Variants in MALRD1 observed in about 807,000 individuals in gnomAD.
MALRD1 encodes the protein MAM and LDL-receptor class A domain-containing protein 1.
A neutral mutation model predicts 242.1 loss-of-function variants in MALRD1; 247 were observed. The ratio of observed to expected loss-of-function variants is 1.02; its 90% confidence interval spans 0.92 to 1.13. The LOEUF is 1.13. Ranked by LOEUF, MALRD1 falls within the 50% of genes most tolerant of loss-of-function variation. The pLI is 0.00. For missense variants in MALRD1, 2,989 were observed against 2,533.1 expected (o/e 1.18, Z -3.86); for synonymous variants, 995 against 866.6 (o/e 1.15, Z -2.60).
At chr10:19,509,593 A>G (rs1048246297) in intron 31 of MALRD1, among the ~76,000 whole-genome samples, 2 of 152,106 alleles carry the variant, frequency 1.3e-5, no homozygotes, top group Non-Finnish European at 1.5e-5. Context: ...ATCATAGTGG[A>G]TATATTTGGT....
intron 21 of MALRD1, among the ~76,000 whole-genome samples, chr10:19,301,842 C>T (rs1043232956): frequency 2.6e-5 from 4 of 151,552 alleles, no homozygotes; most frequent in Admixed American, 6.6e-5. Context: ...CAAACCTGCC[C>T]ATGGACCCAT....
At chr10:19,719,761 T>G (rs1185678589) in intron 38 of MALRD1, among the ~76,000 whole-genome samples, 1 of 152,184 alleles carries the variant, frequency 6.6e-6, no homozygotes, top group Non-Finnish European at 1.5e-5. Context: ...AAATGTGAGT[T>G]CATGGACATT....
rs1484678226 is a variant in MALRD1 at position 19,689,814 on chromosome 10, T to TA, written c.6138-2466dup. 2.6e-5 allele frequency among the ~76,000 whole-genome samples: 4 copies of TA among 152,224 alleles called. No homozygotes were observed. The East Asian group carries it at 7.7e-4, about 29-fold the overall frequency. On this transcript the variant is annotated intron_variant, in intron 36 of 39. Transcript: ENST00000454679. ...AGGAAAATTGTTATGCAGGAGGGGA[T>TA]AATTTGAGAATTTTAGTGTGGAGAT...
chr10:19,697,269 T>C (rs1833421542), intron 38 of MALRD1, among the ~76,000 whole-genome samples: 1 of 151,936 alleles, frequency 6.6e-6, no homozygotes, highest in African/African-American at 2.4e-5. Context: ...GATGGTCCAG[T>C]CTTGAGTCTA....
chr10:19,677,891 G>A (rs765373336), intron 36 of MALRD1, among the ~76,000 whole-genome samples: 1 of 152,126 alleles, frequency 6.6e-6, no homozygotes, highest in Admixed American at 6.6e-5. Flanking sequence ...GCATATGCTA[G>A]CCAGTTATCC....
At chr10:19,322,231 T>C (rs948205322) in intron 21 of MALRD1, among the ~76,000 whole-genome samples, 4 of 152,280 alleles carry the variant, frequency 2.6e-5, no homozygotes, top group Non-Finnish European at 5.9e-5. Flanking sequence ...TATAAGTATA[T>C]ACATCTTTGT....
intron 4 of MALRD1, among the ~76,000 whole-genome samples, chr10:19,099,176 G>T (rs926050311): frequency 7.2e-5 from 11 of 152,084 alleles, no homozygotes; most frequent in African/African-American, 2.4e-4. Flanking sequence ...GCATTCACCC[G>T]TGCAAGCTTC....
intron 21 of MALRD1, among the ~76,000 whole-genome samples, chr10:19,317,187 G>C (rs919839358): frequency 6.6e-6 from 1 of 151,818 alleles, no homozygotes; most frequent in Non-Finnish European, 1.5e-5. Context: ...ATTTCTCACA[G>C]TTCTGAAGGC....
chr10:19,589,461 C>T (rs965522451), intron 33 of MALRD1, among the ~76,000 whole-genome samples: 5 of 152,092 alleles, frequency 3.3e-5, no homozygotes, highest in African/African-American at 7.2e-5. Context: ...GCATGAGATA[C>T]GCTTTATTGC....
In MALRD1 at chr10:19,283,135, A is replaced by G. The variant is rs886866282; in HGVS notation, c.3373A>G (p.Ile1125Val). 1.3e-6 allele frequency: 2 copies of G among 1,549,668 alleles called. No individual in the cohort carries two copies. Among genetic ancestry groups the G allele is most frequent in the Non-Finnish European group, 8.7e-7 (1 of 1,146,396 alleles). ...FRWGLGNGIS[I>V]HHGEENHRPS... The stretch of plus-strand genomic sequence containing the variant: ...GTGGGGGCTTGGGAACGGGATCAGC[A>G]TTCATCATGGGGAAGAAAACCACAG... Residue 1125 changes from isoleucine to valine, a missense_variant, in exon 21 of 40, where the codon ATT (isoleucine) becomes GTT (valine). Ile to Val is a conservative substitution (Grantham distance 29). Transcript: ENST00000454679.
chr10:19,323,376 A>G lies in MALRD1; in HGVS notation c.3420-573A>G, dbSNP rs1263395292. 3.9e-5 allele frequency among the ~76,000 whole-genome samples: 6 copies of G among 152,282 alleles called. No homozygotes were observed. In the South Asian group the frequency reaches 1.2e-3, roughly 32 times the overall value. On this transcript the variant is annotated intron_variant, in intron 21 of 39. Coordinates refer to ENST00000454679, the MANE Select transcript of MALRD1 (RefSeq NM_001142308.3). ...TTAGAGTATTAGTGGTATTATTGCAAAAATATCAACCAAGTTATTACAGAT... is the reference window on the plus strand; with the variant it reads ...TTAGAGTATTAGTGGTATTATTGCAGAAATATCAACCAAGTTATTACAGAT...
chr10:19,190,485 A>C (rs1323627568), intron 14 of MALRD1, among the ~76,000 whole-genome samples: 1 of 152,016 alleles, frequency 6.6e-6, no homozygotes, highest in Non-Finnish European at 1.5e-5. Flanking sequence ...CAAATAGACA[A>C]AATAATTCTG....
At chr10:19,151,110 AT>A (rs1191022825) in intron 11 of MALRD1, among the ~76,000 whole-genome samples, 7 of 152,174 alleles carry the variant, frequency 4.6e-5, no homozygotes, top group African/African-American at 7.2e-5. Context: ...ATAATTCTCT[AT>A]AAAAATTTCC....
intron 38 of MALRD1, among the ~76,000 whole-genome samples, chr10:19,718,413 T>TAGCAAG (rs1408858908): frequency 2.6e-5 from 4 of 152,278 alleles, no homozygotes; most frequent in South Asian, 4.1e-4. Flanking sequence ...GCACATCACG[T>TAGCAAG]AGCAAGAGCA....
In MALRD1 at chr10:19,620,656, G is replaced by A. The variant is rs79776830; in HGVS notation, c.6137+4733G>A. Among the ~76,000 whole-genome samples the A allele has an allele frequency of 5.4e-3, 816 of 152,052 alleles. 5 individuals are homozygous for A. The highest frequency in any genetic ancestry group is 0.018 in the African/African-American group (758 of 41,512). ...TTCATGGGCAAAAATTTTGAAGACC[G>A]TGGGCCAAGAAAATAAAGATCATGT... On this transcript the variant is annotated intron_variant, in intron 36 of 39. Transcript: ENST00000454679.
At chr10:19,127,478 C>T (rs1305750722) in intron 7 of MALRD1, among the ~76,000 whole-genome samples, 2 of 152,076 alleles carry the variant, frequency 1.3e-5, no homozygotes, top group African/African-American at 4.8e-5. Flanking sequence ...ATTTGGGTTT[C>T]CTTAGAGACT....
chr10:19,518,624 A>G (rs1194754408), intron 31 of MALRD1, among the ~76,000 whole-genome samples: 1 of 152,112 alleles, frequency 6.6e-6, no homozygotes, highest in Non-Finnish European at 1.5e-5. Context: ...ATTTTGTATT[A>G]ATTGTTACAG....
chr10:19,408,087 A>G (rs1026042940), intron 28 of MALRD1, among the ~76,000 whole-genome samples: 2 of 152,172 alleles, frequency 1.3e-5, no homozygotes, highest in African/African-American at 4.8e-5. Flanking sequence ...GTCAAACCTC[A>G]GCTCCATTCC....
chr10:19,322,901 G>C (rs1479663634), intron 21 of MALRD1, among the ~76,000 whole-genome samples: 2 of 152,112 alleles, frequency 1.3e-5, no homozygotes, highest in Non-Finnish European at 2.9e-5. Context: ...CCAAAACAGA[G>C]TGCCAGAATA....
Sources: gnomAD v4.1 joint callset for allele counts (sites outside exome capture counted in the v4.1 genomes callset) on GRCh38, gnomAD v4.1.1 for gene constraint, MANE v1.5 for transcripts, NCBI Gene and HGNC (gene_info 2026-07-23, HGNC 2026-07-21) for gene names.